LPP: variants seen among roughly 807,000 people sequenced by gnomAD.
The protein encoded by LPP is LIM domain containing preferred translocation partner in lipoma.
In LPP, 38 loss-of-function variants were observed where a neutral mutation model predicts 60.4. That is an observed-to-expected ratio of 0.63 (90% CI 0.49 to 0.83). The LOEUF (loss-of-function observed/expected upper bound fraction) is 0.83. Among genes scored for constraint, LPP ranks in the 40% least tolerant of loss-of-function variants. The pLI is 0.00. For missense variants in LPP, 902 were observed against 783.6 expected (o/e 1.15, Z -1.80); for synonymous variants, 328 against 290.8 (o/e 1.13, Z -1.30).
chr3:188,635,706 G>A (rs1406834197), intron 7 of LPP, among the ~76,000 whole-genome samples: 1 of 152,236 alleles, frequency 6.6e-6, no homozygotes, highest in African/African-American at 2.4e-5. Flanking sequence ...GTCCTGGGGT[G>A]TGGGAGAATG....
chr3:188,180,920 C>A (rs537278353), intron 1 of LPP: 23 of 152,068 alleles, frequency 1.5e-4, no homozygotes, highest in African/African-American at 5.5e-4. Context: ...TAACAAAATT[C>A]TTTGTCTGCA....
At chr3:188,438,556 A>C (rs1792957443) in intron 4 of LPP, among the ~76,000 whole-genome samples, 1 of 152,114 alleles carries the variant, frequency 6.6e-6, no homozygotes, top group South Asian at 2.1e-4. Flanking sequence ...GCTTACTTAC[A>C]CGTGTAGTAA....
intron 8 of LPP, among the ~76,000 whole-genome samples, chr3:188,727,673 C>T (rs770242466): frequency 6.6e-6 from 1 of 152,142 alleles, no homozygotes; most frequent in Non-Finnish European, 1.5e-5. Flanking sequence ...TTGACAGCCA[C>T]TTATTGAGCA....
At chr3:188,614,698 C>G (rs1253574133) in intron 7 of LPP, among the ~76,000 whole-genome samples, 1 of 152,190 alleles carries the variant, frequency 6.6e-6, no homozygotes, top group Non-Finnish European at 1.5e-5. Context: ...AGATTGTTCC[C>G]ATGCTTTGAC....
At chr3:188,329,636 G>A (rs1020663991) in intron 2 of LPP, among the ~76,000 whole-genome samples, 6 of 152,218 alleles carry the variant, frequency 3.9e-5, no homozygotes, top group Non-Finnish European at 7.4e-5. Context: ...GAATAATTCC[G>A]TTTTTTAAAA....
At chr3:188,341,009 C>G (rs1217362285) in intron 2 of LPP, among the ~76,000 whole-genome samples, 1 of 152,144 alleles carries the variant, frequency 6.6e-6, no homozygotes, top group Non-Finnish European at 1.5e-5. Flanking sequence ...ATAATCTTCA[C>G]ATACATATGA....
At chr3:188,433,828 C>A (rs1791625235) in intron 4 of LPP, among the ~76,000 whole-genome samples, 1 of 151,988 alleles carries the variant, frequency 6.6e-6, no homozygotes, top group African/African-American at 2.4e-5. Context: ...CCTTTTATTT[C>A]TTTGTTTTCC....
chr3:188,489,404 T>G (rs1807643964), intron 5 of LPP, among the ~76,000 whole-genome samples: 2 of 152,166 alleles, frequency 1.3e-5, no homozygotes, highest in African/African-American at 4.8e-5. Flanking sequence ...TAAATTGAAC[T>G]GAACTTTGAT....
intron 1 of LPP, among the ~76,000 whole-genome samples, chr3:188,218,039 G>A (rs935067497): frequency 2.0e-5 from 3 of 152,106 alleles, no homozygotes; most frequent in African/African-American, 7.2e-5. Flanking sequence ...TCATGGTGTT[G>A]TCTGTTCATG....
chr3:188,195,854 G>A (rs1018374779), intron 1 of LPP, among the ~76,000 whole-genome samples: 2 of 152,172 alleles, frequency 1.3e-5, no homozygotes, highest in Non-Finnish European at 1.5e-5. Flanking sequence ...CTTTTGGACA[G>A]CACTATTCTA....
At chr3:188,312,152 C>T (rs954067518) in intron 2 of LPP, among the ~76,000 whole-genome samples, 1 of 148,492 alleles carries the variant, frequency 6.7e-6, no homozygotes, top group Admixed American at 6.6e-5. Context: ...CACACACACA[C>T]AGAAACACAC....
At chr3:188,668,708 CT>C (rs1357849824) in intron 7 of LPP, among the ~76,000 whole-genome samples, 1 of 152,164 alleles carries the variant, frequency 6.6e-6, no homozygotes, top group Non-Finnish European at 1.5e-5. Flanking sequence ...GAGTCATTTG[CT>C]GTTTTTCCGT....
intron 7 of LPP, among the ~76,000 whole-genome samples, chr3:188,676,500 G>T (rs1459521521): frequency 6.6e-6 from 1 of 152,110 alleles, no homozygotes; most frequent in African/African-American, 2.4e-5. Flanking sequence ...TATTTGAAAA[G>T]ATTAAAACAA....
intron 6 of LPP, among the ~76,000 whole-genome samples, chr3:188,582,955 T>C (rs1836593134): frequency 6.6e-6 from 1 of 152,194 alleles, no homozygotes; most frequent in Admixed American, 6.5e-5. Context: ...ATTGGTGATA[T>C]CCCCCTAACG....
chr3:188,183,580 T>C (rs1725728905), intron 1 of LPP, among the ~76,000 whole-genome samples: 1 of 152,194 alleles, frequency 6.6e-6, no homozygotes, highest in African/African-American at 2.4e-5. Flanking sequence ...TGGAAGGGCA[T>C]ACAGACTTCA....
intron 8 of LPP, among the ~76,000 whole-genome samples, chr3:188,723,163 A>G (rs971846088): frequency 2.6e-5 from 4 of 152,228 alleles, no homozygotes; most frequent in African/African-American, 9.6e-5. Context: ...CAAATTGAAC[A>G]GGATGAATCA....
intron 2 of LPP, among the ~76,000 whole-genome samples, chr3:188,293,312 C>T (rs1746668307): frequency 6.6e-6 from 1 of 152,224 alleles, no homozygotes; most frequent in African/African-American, 2.4e-5. Context: ...AGCCTGCCCG[C>T]CTGGGGCTCT....
intron 9 of LPP, among the ~76,000 whole-genome samples, chr3:188,822,402 A>G (rs76434853): frequency 0.058 from 8,828 of 152,148 alleles, 521 homozygotes; most frequent in East Asian, 0.32. Context: ...GAAGGGACAG[A>G]CGATTGATGA....
chr3:188,815,008 A>G (rs1422962959), intron 9 of LPP, among the ~76,000 whole-genome samples: 1 of 152,234 alleles, frequency 6.6e-6, no homozygotes, highest in East Asian at 1.9e-4. Flanking sequence ...TGATTAAATG[A>G]GAAAACACGT....
Sources: gnomAD v4.1 joint callset for allele counts (sites outside exome capture counted in the v4.1 genomes callset) on GRCh38, gnomAD v4.1.1 for gene constraint, MANE v1.5 for transcripts, NCBI Gene and HGNC (gene_info 2026-07-23, HGNC 2026-07-21) for gene names.